The following DUSP22 variants were observed in gnomAD, a reference collection of about 807,000 sequenced individuals.
DUSP22 encodes dual specificity phosphatase 22.
Under a neutral mutation model 24.5 loss-of-function variants are expected in DUSP22, and 24 were observed. The ratio of observed to expected loss-of-function variants is 0.98; its 90% CI spans 0.71 to 1.38. The LOEUF is 1.38. Ranked by LOEUF, DUSP22 falls within the 40% of genes most tolerant of loss-of-function variation. DUSP22 has a pLI of 0.00. For missense variants in DUSP22, 330 were observed against 269.2 expected, an observed-to-expected ratio of 1.23 and a Z score of -1.58; for synonymous variants, 160 against 106.4, an observed-to-expected ratio of 1.50 and a Z score of -3.10.
At chr6:296,996 A>C (rs815592) in intron 1 of DUSP22, among the ~76,000 whole-genome samples, 1,566 of 151,906 alleles carry the variant, frequency 0.01, 2 homozygotes, top group African/African-American at 0.036. Flanking sequence ...GAAGCCTCTC[A>C]TGGTGCTGGG....
chr6:342,790 G>A (rs1315288921), intron 4 of DUSP22, among the ~76,000 whole-genome samples: 1 of 152,306 alleles, frequency 6.6e-6, no homozygotes, highest in African/African-American at 2.4e-5. Flanking sequence ...AGGTTTTCCA[G>A]AAGTCCCTAC....
chr6:325,279 G>T (rs78160893), intron 3 of DUSP22: 1 of 210,538 alleles, frequency 4.7e-6, no homozygotes, highest in Non-Finnish European at 8.9e-6. Context: ...GGGCTTCCGC[G>T]TCCTGGTGTG....
At chr6:339,914 G>A (rs565677195) in intron 4 of DUSP22, among the ~76,000 whole-genome samples, 3 of 152,424 alleles carry the variant, frequency 2.0e-5, no homozygotes, top group East Asian at 1.9e-4. Flanking sequence ...CTGTGGTCCT[G>A]CTTCCAGACA....
chr6:330,921 C>T (rs1012148499), intron 3 of DUSP22, among the ~76,000 whole-genome samples: 6 of 152,300 alleles, frequency 3.9e-5, no homozygotes, highest in Non-Finnish European at 5.9e-5. Context: ...TGCTGCTTGG[C>T]GTTAGTAATA....
chr6:322,830 T>TGGGGGG (rs61690495), intron 3 of DUSP22, among the ~76,000 whole-genome samples: 18 of 18,728 alleles, frequency 9.6e-4, no homozygotes, highest in African/African-American at 3.2e-3. Flanking sequence ...GGCTGCTTGG[T>TGGGGGG]GGGGCGGGGG....
chr6:326,357 G>A (rs1038600244), intron 3 of DUSP22, among the ~76,000 whole-genome samples: 91 of 146,974 alleles, frequency 6.2e-4, no homozygotes, highest in Non-Finnish European at 3.0e-4. Flanking sequence ...TGTGTGCAGT[G>A]CTGTATCTGC....
chr6:331,983 G>T (rs1759161336), intron 3 of DUSP22, among the ~76,000 whole-genome samples: 1 of 152,304 alleles, frequency 6.6e-6, no homozygotes, highest in Admixed American at 6.5e-5. Context: ...TGCATGGTGT[G>T]GGCTGAAGCC....
At position 350,972 on chromosome 6, in the gene DUSP22, C is replaced by T. The variant is rs1318584043; in HGVS notation, c.*2021C>T. ...TAAGTATCCAGTAGTGATTTGTAAA[C>T]TTGTTTTTCATTTGAAGCTGAATAT... On this transcript the variant is annotated 3_prime_UTR_variant, in exon 7 of 7. Transcript: ENST00000419235. 2.0e-6 allele frequency: 3 copies of T among 1,512,302 alleles called. No homozygotes were observed. Among genetic ancestry groups the T allele is most frequent in the Non-Finnish European group, 2.7e-6 (3 of 1,096,286 alleles). 93.7% of individuals were successfully genotyped at this position (1,512,302 alleles called of 1,614,324 possible). A position where few individuals can be genotyped will look rare whatever the true frequency, so the allele number is the denominator to read the frequency against.
chr6:350,607 T>C lies in DUSP22; in HGVS notation c.*1656T>C. On this transcript the variant is annotated 3_prime_UTR_variant, in exon 7 of 7. Coordinates refer to ENST00000419235, the MANE Select transcript of DUSP22 (RefSeq NM_001286555.3). ...GGATGTACACCCGGAAAGGGGAGTG[T>C]GGCTGTAGAATCATCCATCCGTCTA... 1 of 1,439,156 alleles carries C rather than the reference T, an allele frequency of 6.9e-7. No homozygotes were observed. The highest frequency in any genetic ancestry group is 2.6e-5 in the East Asian group (1 of 38,682). The allele number at this position is 1,439,156 out of a possible 1,614,324, so 89.1% of individuals were successfully genotyped here.
At chr6:346,528 G>A (rs1759885246) in intron 5 of DUSP22, among the ~76,000 whole-genome samples, 1 of 152,298 alleles carries the variant, frequency 6.6e-6, no homozygotes, top group Admixed American at 6.5e-5. Context: ...CAGTGTGCCT[G>A]GCACATAGAG....
At position 292,533 on chromosome 6, in the gene DUSP22, A is replaced by G. The variant is rs371911068; in HGVS notation, c.-7A>G. ...GGCCGGGGCGCTAGCGTTCGCCTTC[A>G]GCCACCATGGGGAATGGGATGAACA... On this transcript the variant is annotated 5_prime_UTR_variant, in exon 1 of 7. Transcript: ENST00000419235. The G allele has an allele frequency of 3.0e-5, 48 of 1,605,592 alleles. No individual in the cohort carries two copies. The highest frequency in any genetic ancestry group is 1.7e-4 in the Middle Eastern group (1 of 6,060).
intron 3 of DUSP22, among the ~76,000 whole-genome samples, chr6:319,702 C>G (rs1758505093): frequency 6.6e-6 from 1 of 152,310 alleles, no homozygotes; most frequent in African/African-American, 2.4e-5. Flanking sequence ...AGGTCCAAGT[C>G]TTTTGAAAAC....
At chr6:308,848 A>T (rs1757942104) in intron 2 of DUSP22, among the ~76,000 whole-genome samples, 1 of 152,308 alleles carries the variant, frequency 6.6e-6, no homozygotes, top group Admixed American at 6.5e-5. Flanking sequence ...CGGATGGTTG[A>T]CATTCAAATG....
chr6:317,079 T>C (rs1758367908), intron 3 of DUSP22, among the ~76,000 whole-genome samples: 2 of 152,304 alleles, frequency 1.3e-5, no homozygotes, highest in South Asian at 4.1e-4. Flanking sequence ...TTTGAAGTGT[T>C]GATGCCAAGA....
chr6:328,160 T>TA (rs1758971447), intron 3 of DUSP22, among the ~76,000 whole-genome samples: 1 of 152,312 alleles, frequency 6.6e-6, no homozygotes, highest in South Asian at 2.1e-4. Context: ...TGTTCAGGCT[T>TA]CACCTTCATT....
chr6:330,386 C>A (rs1271034160), intron 3 of DUSP22, among the ~76,000 whole-genome samples: 1 of 152,302 alleles, frequency 6.6e-6, no homozygotes, highest in Non-Finnish European at 1.5e-5. Flanking sequence ...GGTTTATCTT[C>A]CTTGTGCAAA....
chr6:347,127 G>A (rs1349122058), intron 5 of DUSP22, among the ~76,000 whole-genome samples: 1 of 152,304 alleles, frequency 6.6e-6, no homozygotes, highest in Non-Finnish European at 1.5e-5. Flanking sequence ...CGGAATTCTG[G>A]AACTCCCACT....
chr6:346,051 C>G (rs1017405525), intron 5 of DUSP22, 123 bp downstream of exon 5: 323 of 1,226,994 alleles, frequency 2.6e-4, no homozygotes, highest in Middle Eastern at 1.3e-3. Flanking sequence ...AACCCTGACT[C>G]TCAAACGCGT....
In DUSP22 at chr6:345,827, G is replaced by C. The variant is rs560306784; in HGVS notation, c.189-27G>C. The C allele has an allele frequency of 3.5e-4, 568 of 1,612,744 alleles. No homozygotes were observed. In the South Asian group the frequency reaches 5.8e-3, roughly 17 times the overall value. ...CATATATTGAGTAAAGTAGAGAGAT[G>C]TCATTTCTCTTTTTTTCTTTTCCCA... On this transcript the variant is annotated intron_variant, in intron 4 of 6. Transcript: ENST00000419235.
Sources: allele counts gnomAD v4.1 joint callset (sites outside exome capture counted in the v4.1 genomes callset), GRCh38; gene constraint gnomAD v4.1.1; transcripts MANE v1.5; gene names NCBI Gene and HGNC (gene_info 2026-07-23, HGNC 2026-07-21).